Variants in PIK3R4 observed in about 807,000 individuals in gnomAD.
PIK3R4 encodes the protein phosphoinositide-3-kinase regulatory subunit 4.
PIK3R4 carries 46 observed loss-of-function variants against 136.5 expected under a neutral mutation model. The ratio of observed to expected loss-of-function variants is 0.34; its 90% CI spans 0.27 to 0.43. The LOEUF (loss-of-function observed/expected upper bound fraction) is 0.43, where lower values mean the gene tolerates loss of function less well. Ranked by LOEUF, PIK3R4 falls within the 20% of genes least tolerant of loss-of-function variation. The pLI is 1.00. For synonymous variants in PIK3R4, 557 were observed against 566.7 expected (o/e 0.98, Z 0.24); for missense variants, 1,331 against 1,649.5 (o/e 0.81, Z 3.35).
chr3:130,707,709 T>G (rs1253626302), intron 10 of PIK3R4, among the ~76,000 whole-genome samples: 1 of 152,200 alleles, frequency 6.6e-6, no homozygotes, highest in Non-Finnish European at 1.5e-5. Context: ...TTTAAAGGCA[T>G]GTAACTGGCA....
intron 4 of PIK3R4, among the ~76,000 whole-genome samples, chr3:130,732,879 A>G (rs533025494): frequency 6.6e-6 from 1 of 151,848 alleles, no homozygotes; most frequent in East Asian, 1.9e-4. Flanking sequence ...ATCAGATTAT[A>G]TTATAGAAAT....
intron 4 of PIK3R4, among the ~76,000 whole-genome samples, chr3:130,733,213 C>G (rs1006274708): frequency 6.6e-6 from 1 of 152,116 alleles, no homozygotes; most frequent in African/African-American, 2.4e-5. Flanking sequence ...GTCAAATAAC[C>G]ATATTTGTCA....
intron 6 of PIK3R4, 65 bp downstream of exon 6, chr3:130,728,398 A>T: frequency 2.1e-6 from 2 of 947,370 alleles, no homozygotes; most frequent in Non-Finnish European, 3.2e-6. Flanking sequence ...TATCCTTCAG[A>T]TTGCATGGAA....
At position 130,735,885 on chromosome 3, in the gene PIK3R4, T is replaced by C. The variant is rs2107620539; in HGVS notation, c.851A>G (p.His284Arg). ...CATAGTTACCAATTCTCTGATACTG[T>C]GATCTTCAATTTTATTTAGCACTTG... The part of the protein sequence containing the change: ...PEQVLNKIED[H>R]SIRELVTQMI... The change falls in exon 3 of 20, where the codon CAC (histidine) becomes CGC (arginine). Residue 284 changes from histidine to arginine, a missense_variant. Coordinates refer to ENST00000356763, the MANE Select transcript of PIK3R4 (RefSeq NM_014602.3). 1 of 1,611,564 alleles carries C rather than the reference T, an allele frequency of 6.2e-7. No individual in the cohort carries two copies. Among genetic ancestry groups the C allele is most frequent in the Non-Finnish European group, 8.5e-7 (1 of 1,179,386 alleles).
rs143085620 is a variant in PIK3R4 at position 130,690,589 on chromosome 3, T to A, written c.3164A>T (p.His1055Leu). ...ATTATCAGATGCTATGGCTAAATAGTGGGAGCCTTGGCAGAATGTGAGCGT... is the reference window on the plus strand; with the variant it reads ...ATTATCAGATGCTATGGCTAAATAGAGGGAGCCTTGGCAGAATGTGAGCGT... ...VKTLTFCQGS[H>L]YLAIASDNGA... Residue 1055 changes from histidine (H) to leucine (L), a missense_variant, in exon 14 of 20, where the codon CAC becomes CTC. Physicochemically the swap from His to Leu is moderately conservative, Grantham distance 99 (BLOSUM62 -3). Around this residue, in one of 2 missense-constraint regions of PIK3R4, gnomAD observed 1,180 missense variants for 1,407.0 expected, o/e 0.84. Coordinates refer to ENST00000356763, the MANE Select transcript of PIK3R4 (RefSeq NM_014602.3). The A allele has an allele frequency of 4.2e-5, 68 of 1,611,568 alleles. No homozygotes were observed. In the African/African-American group the frequency reaches 8.4e-4, roughly 20 times the overall value.
chr3:130,728,724 G>T (rs766160146), intron 5 of PIK3R4, 40 bp from the exon 6 acceptor site: 2 of 1,306,332 alleles, frequency 1.5e-6, no homozygotes, highest in African/African-American at 1.6e-5. Flanking sequence ...AGAAAGAAAA[G>T]AAATAGTTAA....
Position 130,690,586 on chromosome 3 carries a change from T to C in PIK3R4, c.3167A>G (p.Tyr1056Cys), listed in dbSNP as rs1251535002. ...ACCATTATCAGATGCTATGGCTAAA[T>C]AGTGGGAGCCTTGGCAGAATGTGAG... is the stretch of plus-strand genomic sequence containing the variant. ...KTLTFCQGSH[Y>C]LAIASDNGAV... The change falls in exon 14 of 20, where the codon TAT becomes TGT. Residue 1056 changes from tyrosine (Y) to cysteine (C), a missense_variant. Transcript: ENST00000356763. 2 of 1,611,766 alleles carry C rather than the reference T, an allele frequency of 1.2e-6. No homozygotes were observed. Among genetic ancestry groups the C allele is most frequent in the Non-Finnish European group, 1.7e-6 (2 of 1,178,088 alleles).
intron 13 of PIK3R4, among the ~76,000 whole-genome samples, chr3:130,694,730 A>G (rs190386362): frequency 2.6e-5 from 4 of 152,242 alleles, no homozygotes; most frequent in African/African-American, 9.6e-5. Context: ...GGCTACTAAC[A>G]GAAAGTTTTA....
chr3:130,739,021 C>T (rs995764155), intron 2 of PIK3R4, among the ~76,000 whole-genome samples: 7 of 152,144 alleles, frequency 4.6e-5, no homozygotes, highest in African/African-American at 1.7e-4. Context: ...AAATGTCAAG[C>T]GATAAACCGT....
At position 130,707,113 on chromosome 3, in the gene PIK3R4, G is replaced by A; in HGVS notation, c.2556C>T (p.Asp852=). 1 of 1,605,152 alleles carries A rather than the reference G, an allele frequency of 6.2e-7. No individual in the cohort carries two copies. Among genetic ancestry groups the A allele is most frequent in the Non-Finnish European group, 8.5e-7 (1 of 1,176,620 alleles). Residue 852 remains aspartate (D), a synonymous_variant, in exon 11 of 20, where the codon GAC becomes GAT. Transcript: ENST00000356763. ...TTTTCCATTCTTCATTTACATTTGA[G>A]TCTTGTTTTACATGTTTTCTGGCTA... ...DKRARKHVKQ[D]SNVNEEWKSM... is the part of the protein sequence containing the mutation.
chr3:130,687,365 G>A (rs2066495703), intron 14 of PIK3R4, among the ~76,000 whole-genome samples: 1 of 152,084 alleles, frequency 6.6e-6, no homozygotes, highest in South Asian at 2.1e-4. Flanking sequence ...AATCACTTAT[G>A]ATGTTAACTT....
intron 3 of PIK3R4, among the ~76,000 whole-genome samples, chr3:130,734,452 A>G (rs1466065843): frequency 6.6e-6 from 1 of 152,248 alleles, no homozygotes; most frequent in African/African-American, 2.4e-5. Context: ...ATCTGAGGAA[A>G]GCAATGGATC....
At chr3:130,686,647 A>G (rs75595228) in intron 14 of PIK3R4, among the ~76,000 whole-genome samples, 2,047 of 152,312 alleles carry the variant, frequency 0.013, 42 homozygotes, top group African/African-American at 0.046. Flanking sequence ...TTAGGTAAAC[A>G]ACTTATATAA....
Position 130,723,307 on chromosome 3 carries a change from C to T in PIK3R4, c.1981+107G>A. ...CACCCACACAATCAATAGTAGGAACCCCACACAATCAATAGCAGGAACAAT... is the reference window on the plus strand; with the variant it reads ...CACCCACACAATCAATAGTAGGAACTCCACACAATCAATAGCAGGAACAAT... On this transcript the variant is annotated intron_variant, in intron 7 of 19. Transcript: ENST00000356763. 5 of 907,522 alleles carry T rather than the reference C, an allele frequency of 5.5e-6. No individual in the cohort carries two copies. The South Asian group carries it at 8.7e-5, about 16-fold the overall frequency. The allele number at this position is 907,522 out of a possible 1,614,324, so 56.2% of individuals were successfully genotyped here.
chr3:130,681,550 T>G lies in PIK3R4; in HGVS notation c.3649A>C (p.Thr1217Pro). 6.2e-7 allele frequency: 1 copy of G among 1,612,716 alleles called. No homozygotes were observed. Among genetic ancestry groups the G allele is most frequent in the Non-Finnish European group, 8.5e-7 (1 of 1,178,908 alleles). ...CAGAGAGTAAATCTTCTGTCACCAG[T>G]CTCCATGTCCCACATGGACACTTCG... ...NNEVSMWDME[T>P]GDRRFTLWAS... The change falls in exon 17 of 20, where the codon ACT becomes CCT. Residue 1217 changes from threonine (T) to proline (P), a missense_variant. Around this residue, in one of 2 missense-constraint regions of PIK3R4, gnomAD observed 1,180 missense variants for 1,407.0 expected, o/e 0.84. Transcript: ENST00000356763.
intron 8 of PIK3R4, among the ~76,000 whole-genome samples, chr3:130,717,181 C>T (rs1331011073): frequency 1.0e-4 from 15 of 150,064 alleles, no homozygotes; most frequent in African/African-American, 2.5e-5. Flanking sequence ...TTTTCTGTGA[C>T]TCTAGCAAAA....
chr3:130,681,124 G>C, intron 17 of PIK3R4, 59 bp from the exon 18 acceptor site: 1 of 959,284 alleles, frequency 1.0e-6, no homozygotes, highest in Middle Eastern at 2.1e-4. Context: ...ATAAATGATA[G>C]TGCTATTTCT....
At position 130,712,571 on chromosome 3, in the gene PIK3R4, G is replaced by C. The variant is rs1007820000; in HGVS notation, c.2331+3825C>G. Among the ~76,000 whole-genome samples the C allele has an allele frequency of 4.6e-5, 7 of 152,040 alleles. No homozygotes were observed. In the South Asian group the frequency reaches 1.5e-3, roughly 32 times the overall value. On this transcript the variant is annotated intron_variant, in intron 9 of 19. Transcript: ENST00000356763. ...TAATACCAGCTACTCAGGGGGCTGAGACAGAAGAATCGCTTGAAACCGGGA... is the reference window on the plus strand; with the variant it reads ...TAATACCAGCTACTCAGGGGGCTGACACAGAAGAATCGCTTGAAACCGGGA...
intron 2 of PIK3R4, among the ~76,000 whole-genome samples, 180 bp downstream of exon 2, chr3:130,744,306 G>C (rs2066841033): frequency 6.6e-6 from 1 of 152,210 alleles, no homozygotes. Context: ...ACTGCTGTTT[G>C]CATTTCCTAG....
Sources: allele counts gnomAD v4.1 joint callset (sites outside exome capture counted in the v4.1 genomes callset), GRCh38; gene constraint gnomAD v4.1.1; regional missense constraint gnomAD v4.1.1; transcripts MANE v1.5; gene names NCBI Gene and HGNC (gene_info 2026-07-23, HGNC 2026-07-21).